Variants in NLRP4 observed in about 807,000 individuals in gnomAD.
The protein encoded by NLRP4 is NLR family pyrin domain containing 4.
Under a neutral mutation model 84.7 loss-of-function variants are expected in NLRP4, and 44 were observed. The observed-to-expected ratio is 0.52, with a 90% CI of 0.41 to 0.67. The LOEUF is 0.67. NLRP4 is among the 30% of genes least tolerant of loss of function. The probability of loss-of-function intolerance (pLI) is 0.00; values close to 1 mark genes in which losing one functional copy is unlikely to be tolerated. For missense variants in NLRP4, 1,260 were observed against 1,219.4 expected (o/e 1.03, Z -0.50); for synonymous variants, 544 against 476.4 (o/e 1.14, Z -1.85).
chr19:55,857,660 C>G lies in NLRP4; in HGVS notation c.281-14C>G, dbSNP rs753184545. 7 of 1,609,080 alleles carry G rather than the reference C, an allele frequency of 4.4e-6. No homozygotes were observed. In the Admixed American group the frequency reaches 8.4e-5, roughly 19 times the overall value. On this transcript the variant is annotated splice_polypyrimidine_tract_variant and intron_variant, in intron 2 of 9. Coordinates refer to ENST00000301295, the MANE Select transcript of NLRP4 (RefSeq NM_134444.5). The stretch of plus-strand genomic sequence containing the variant: ...CTTTGTGGGTTTTCTCTCCTCTTGC[C>G]CTCACTGACTCAGGATACACAAAGA...
chr19:55,866,918 T>G (rs560278133), intron 5 of NLRP4, among the ~76,000 whole-genome samples: 47 of 152,244 alleles, frequency 3.1e-4, no homozygotes, highest in African/African-American at 1.1e-3. Flanking sequence ...GTTGTATATT[T>G]TGGGATTTTC....
At chr19:55,847,377 A>G (rs1260718234) in intron 1 of NLRP4, among the ~76,000 whole-genome samples, 1 of 152,182 alleles carries the variant, frequency 6.6e-6, no homozygotes, top group Non-Finnish European at 1.5e-5. Context: ...GCATAATTAC[A>G]AGCTAATTGA....
chr19:55,871,795 T>C (rs1985193243), intron 7 of NLRP4, among the ~76,000 whole-genome samples: 1 of 151,266 alleles, frequency 6.6e-6, no homozygotes, highest in Non-Finnish European at 1.5e-5. Context: ...AAACATCAGA[T>C]ACAATATTAA....
At position 55,856,273 on chromosome 19, in the gene NLRP4, C is replaced by T. The variant is rs140897583; in HGVS notation, c.281-1401C>T. Among the ~76,000 whole-genome samples, 467 of 152,208 alleles carry T rather than the reference C, an allele frequency of 3.1e-3. 1 individual carries two copies. The highest frequency in any genetic ancestry group is 4.9e-3 in the Non-Finnish European group (335 of 68,012). On this transcript the variant is annotated intron_variant, in intron 2 of 9. Transcript: ENST00000301295. ...CCTCCCAAAGTGCTGGGATTATAGG[C>T]GTGAGCCACTGCGCCCAGCCAACTA... is the stretch of plus-strand genomic sequence containing the variant.
rs746834657 is a variant in NLRP4, at chr19:55,858,167, G to C, written c.774G>C (p.Gln258His). Residue 258 changes from glutamine (Q) to histidine (H), a missense_variant, in exon 3 of 10, where the codon CAG becomes CAC. Gln to His is a conservative substitution (Grantham distance 24). Around this residue, in one of 3 missense-constraint regions of NLRP4, gnomAD observed 712 missense variants for 669.2 expected, o/e 1.06. Transcript: ENST00000301295. The surrounding 1 kb of genome is among the most constrained non-coding windows in gnomAD (Gnocchi z 4.2). ...ACTTGATGGAGAAACGGCCGGTGCA[G>C]GTGCTTCTGAGCAGTTTGCTGAGGA... ...CGDLMEKRPVQVLLSSLLRKK... is the reference protein window; with the variant it reads ...CGDLMEKRPVHVLLSSLLRKK... 1.9e-6 allele frequency: 3 copies of C among 1,614,054 alleles called. No individual in the cohort carries two copies. The South Asian group carries it at 3.3e-5, about 18-fold the overall frequency.
intron 1 of NLRP4, among the ~76,000 whole-genome samples, chr19:55,840,066 A>G (rs1043307141): frequency 6.6e-6 from 1 of 152,204 alleles, no homozygotes; most frequent in African/African-American, 2.4e-5. Context: ...ATTATTTGAA[A>G]TATGTTGAAG....
At chr19:55,878,621 G>A (rs79916658) in intron 8 of NLRP4, among the ~76,000 whole-genome samples, 173 bp from the exon 9 acceptor site, 1,567 of 152,254 alleles carry the variant, frequency 0.01, 37 homozygotes, top group African/African-American at 0.035. Context: ...GGACACTTAT[G>A]GCTACTTTTA....
rs530134244 is a variant in NLRP4, at chr19:55,851,740, G to A, written c.-65-276G>A. Among the ~76,000 whole-genome samples, 51 of 152,182 alleles carry A rather than the reference G, an allele frequency of 3.4e-4. 1 individual carries two copies. The Middle Eastern group carries it at 0.017, about 51-fold the overall frequency. On this transcript the variant is annotated intron_variant, in intron 1 of 9. Transcript: ENST00000301295. The stretch of plus-strand genomic sequence containing the variant: ...GCTGCGGTGTAATTTCCGAAGCTGC[G>A]GTGTAATTTCCAAAAATGTAAAGTC...
intron 9 of NLRP4, 128 bp from the exon 10 acceptor site, chr19:55,881,342 C>T: frequency 1.7e-6 from 1 of 586,308 alleles, no homozygotes; most frequent in South Asian, 2.1e-5. Context: ...ATGTGTATGT[C>T]TTTCCTCTTG....
chr19:55,871,722 T>C (rs1274050581), intron 7 of NLRP4, among the ~76,000 whole-genome samples: 1 of 152,208 alleles, frequency 6.6e-6, no homozygotes, highest in Non-Finnish European at 1.5e-5. Context: ...ACCAGATGCA[T>C]TCTTTCTCTC....
intron 5 of NLRP4, among the ~76,000 whole-genome samples, chr19:55,863,967 T>G (rs1343933757): frequency 6.6e-6 from 1 of 152,210 alleles, no homozygotes; most frequent in African/African-American, 2.4e-5. Context: ...TGAGCTTGCA[T>G]CAACCGAACA....
intron 1 of NLRP4, among the ~76,000 whole-genome samples, chr19:55,840,354 G>A (rs1027867408): frequency 6.7e-6 from 1 of 149,212 alleles, no homozygotes; most frequent in African/African-American, 2.5e-5. Flanking sequence ...ATGTGTGTGT[G>A]TGTGTGTGTG....
At chr19:55,861,324 G>A in intron 3 of NLRP4, 62 bp from the exon 4 acceptor site, 1 of 1,410,038 alleles carries the variant, frequency 7.1e-7, no homozygotes, top group Non-Finnish European at 1.0e-6. Context: ...GTGCGTATAT[G>A]TGTTACAAGT....
chr19:55,851,318 C>T (rs373432038), intron 1 of NLRP4, among the ~76,000 whole-genome samples: 2 of 66,152 alleles, frequency 3.0e-5, no homozygotes, highest in Non-Finnish European at 4.8e-5. Flanking sequence ...TCCGAGGCTG[C>T]GGTGTAATGT....
rs756909285 is a variant in NLRP4 at position 55,858,515 on chromosome 19, T to G, written c.1122T>G (p.Ser374=). ...TCQSTTSVYS[S]FVFNLFTPEG... ...AGAGCACTACCTCTGTGTACTCCTC[T>G]TTCGTCTTTAACCTGTTCACACCTG... Residue 374 remains serine, a synonymous_variant, in exon 3 of 10, where the codon TCT becomes TCG. Transcript: ENST00000301295. The surrounding 1 kb of genome is among the most constrained non-coding windows in gnomAD (Gnocchi z 4.2). 1.2e-6 allele frequency: 2 copies of G among 1,614,164 alleles called. No homozygotes were observed. Among genetic ancestry groups the G allele is most frequent in the Non-Finnish European group, 1.7e-6 (2 of 1,180,026 alleles).
In NLRP4 at chr19:55,870,477, A is replaced by C. The variant is rs186861330; in HGVS notation, c.2355-350A>C. On this transcript the variant is annotated intron_variant, in intron 6 of 9. Transcript: ENST00000301295. The stretch of plus-strand genomic sequence containing the variant: ...CCGGAGTTCGAGACTAGCCTGGCTA[A>C]CATGGTGAAACCCCGTCTCTACTAA... 2.8e-3 allele frequency among the ~76,000 whole-genome samples: 429 copies of C among 152,324 alleles called. 2 individuals are homozygous for C. Among genetic ancestry groups the C allele is most frequent in the African/African-American group, 9.5e-3 (397 of 41,574 alleles).
intron 7 of NLRP4, among the ~76,000 whole-genome samples, chr19:55,873,030 G>A (rs1985247881): frequency 1.3e-5 from 2 of 152,096 alleles, no homozygotes; most frequent in African/African-American, 4.8e-5. Flanking sequence ...CGGGAGGGTG[G>A]ATTGTCAACC....
intron 1 of NLRP4, among the ~76,000 whole-genome samples, chr19:55,839,330 C>T (rs1983516608): frequency 1.6e-5 from 2 of 126,376 alleles, no homozygotes; most frequent in South Asian, 4.8e-4. Flanking sequence ...TGCTCTTTCA[C>T]ACACATATAC....
intron 1 of NLRP4, among the ~76,000 whole-genome samples, chr19:55,844,227 C>T (rs1474257791): frequency 1.3e-5 from 2 of 152,016 alleles, no homozygotes; most frequent in Non-Finnish European, 2.9e-5. Context: ...TGGCATTTTC[C>T]CTGTGGCATG....
Sources: gnomAD v4.1 joint callset for allele counts (sites outside exome capture counted in the v4.1 genomes callset) on GRCh38, gnomAD v4.1.1 for gene constraint, gnomAD v4.1.1 regional missense constraint, Gnocchi (gnomAD v3.1) non-coding constraint, MANE v1.5 for transcripts, NCBI Gene and HGNC (gene_info 2026-07-23, HGNC 2026-07-21) for gene names.